The following KALRN variants were observed in gnomAD, a reference collection of about 807,000 sequenced individuals.
KALRN encodes kalirin.
Under a neutral mutation model 353.7 loss-of-function variants are expected in KALRN, and 70 were observed. That is an observed-to-expected ratio of 0.20 (90% confidence interval 0.16 to 0.24). The LOEUF (loss-of-function observed/expected upper bound fraction) is 0.24, where lower values mean the gene tolerates loss of function less well. Ranked by LOEUF, KALRN falls within the 10% of genes least tolerant of loss-of-function variation. The pLI, the probability that KALRN is intolerant of heterozygous loss-of-function variation, is 1.00. For synonymous variants in KALRN, 1,391 were observed against 1,434.8 expected (o/e 0.97, Z 0.69); for missense variants, 2,791 against 3,756.7 (o/e 0.74, Z 6.72).
rs898030291 is a variant in KALRN at position 124,264,514 on chromosome 3, C to T, written c.280C>T (p.Arg94Cys). 9 of 1,613,962 alleles carry T rather than the reference C, an allele frequency of 5.6e-6. No individual in the cohort carries two copies. The highest frequency in any genetic ancestry group is 1.3e-5 in the African/African-American group (1 of 75,028). ...ASVPSEDVCKRGFTVIIDMRG... is the reference protein window; with the variant it reads ...ASVPSEDVCKCGFTVIIDMRG... Reference sequence around the variant, plus strand: ...TCCCCACAGTGAGGACGTGTGCAAACGTGGCTTCACTGTCATCATCGACAT... The same window carrying T: ...TCCCCACAGTGAGGACGTGTGCAAATGTGGCTTCACTGTCATCATCGACAT... Residue 94 changes from arginine (R) to cysteine (C), a missense_variant, in exon 4 of 60, where the codon CGT becomes TGT. This residue lies in a region of KALRN where 110 missense variants were observed against 204.1 expected (regional missense o/e 0.54). Coordinates refer to ENST00000682506, the MANE Select transcript of KALRN (RefSeq NM_001388419.1).
At chr3:124,405,627 A>G (rs920907157) in intron 13 of KALRN, among the ~76,000 whole-genome samples, 2 of 150,156 alleles carry the variant, frequency 1.3e-5, no homozygotes, top group Admixed American at 1.3e-4. Context: ...GATTATATCA[A>G]GGACCTCAGG....
chr3:124,519,092 A>C, intron 33 of KALRN: 1 of 985,750 alleles, frequency 1.0e-6, no homozygotes, highest in African/African-American at 1.7e-5. Flanking sequence ...AGATTTTTTC[A>C]GGTTTTTCTA....
intron 34 of KALRN, among the ~76,000 whole-genome samples, chr3:124,614,302 T>G (rs1267479656): frequency 3.3e-5 from 5 of 151,778 alleles, no homozygotes; most frequent in African/African-American, 1.2e-4. Flanking sequence ...AGGGTCTCAC[T>G]CTGTTTCCTT....
intron 34 of KALRN, among the ~76,000 whole-genome samples, chr3:124,625,565 CA>C (rs201044567): frequency 0.012 from 1,665 of 141,090 alleles, 18 homozygotes; most frequent in South Asian, 0.048. Context: ...TATCTTCTTC[CA>C]AAAAAAAAAA....
intron 39 of KALRN, 91 bp downstream of exon 39, chr3:124,655,758 C>T: frequency 1.2e-6 from 1 of 860,004 alleles, no homozygotes; most frequent in Non-Finnish European, 2.0e-6. Flanking sequence ...CTGATGGTTA[C>T]ATGTACTTTA....
At chr3:124,455,084 T>A in intron 21 of KALRN, 93 bp from the exon 22 acceptor site, 1 of 1,390,464 alleles carries the variant, frequency 7.2e-7, no homozygotes, top group Non-Finnish European at 1.0e-6. Context: ...CTATGAGGTA[T>A]CTATGGCTGC....
At chr3:124,529,547 CT>C (rs926404282) in intron 33 of KALRN, among the ~76,000 whole-genome samples, 1 of 152,014 alleles carries the variant, frequency 6.6e-6, no homozygotes, top group African/African-American at 2.4e-5. Context: ...GTTGGAGCTT[CT>C]TTGCTAGGTT....
intron 1 of KALRN, among the ~76,000 whole-genome samples, chr3:124,140,842 G>C (rs1446657222): frequency 6.6e-6 from 1 of 152,138 alleles, no homozygotes; most frequent in Non-Finnish European, 1.5e-5. Flanking sequence ...CCTGGGTCAT[G>C]GGTGACTTCA....
At chr3:124,708,225 C>A (rs938585976) in intron 57 of KALRN, among the ~76,000 whole-genome samples, 40 of 152,272 alleles carry the variant, frequency 2.6e-4, no homozygotes, top group African/African-American at 9.4e-4. Context: ...GTTTGGGATA[C>A]AATCTAAATT....
At chr3:124,578,383 A>G (rs1326583562) in intron 34 of KALRN, among the ~76,000 whole-genome samples, 1 of 152,244 alleles carries the variant, frequency 6.6e-6, no homozygotes, top group Non-Finnish European at 1.5e-5. Context: ...CACAGGGAAG[A>G]TGAGAATTAA....
chr3:124,491,635 A>T, intron 31 of KALRN: 1 of 386,200 alleles, frequency 2.6e-6, no homozygotes, highest in Non-Finnish European at 4.6e-6. Flanking sequence ...AAGTGCATGC[A>T]CATGTGTGAC....
chr3:124,294,899 T>C (rs187578773), intron 5 of KALRN, among the ~76,000 whole-genome samples: 1 of 152,328 alleles, frequency 6.6e-6, no homozygotes, highest in Admixed American at 6.5e-5. Flanking sequence ...TGCAAACCAC[T>C]ATCTCTTCAA....
At chr3:124,439,210 A>T (rs557287734) in intron 18 of KALRN, among the ~76,000 whole-genome samples, 173 bp downstream of exon 18, 11 of 149,804 alleles carry the variant, frequency 7.3e-5, no homozygotes, top group African/African-American at 1.2e-4. Flanking sequence ...TCACACACAC[A>T]CACACACACA....
chr3:124,401,121 A>G (rs1384281686), intron 13 of KALRN, among the ~76,000 whole-genome samples: 3 of 152,244 alleles, frequency 2.0e-5, no homozygotes, highest in African/African-American at 7.2e-5. Context: ...TCCAAAGCAT[A>G]TGGAGAAAAT....
At chr3:124,289,161 A>G (rs2076207263) in intron 5 of KALRN, among the ~76,000 whole-genome samples, 1 of 152,146 alleles carries the variant, frequency 6.6e-6, no homozygotes, top group South Asian at 2.1e-4. Context: ...CTCCTTCTAA[A>G]GTCACTAATT....
intron 4 of KALRN, among the ~76,000 whole-genome samples, chr3:124,266,776 G>C (rs941980496): frequency 1.3e-5 from 2 of 152,142 alleles, no homozygotes; most frequent in African/African-American, 4.8e-5. Flanking sequence ...AATTTGGCTT[G>C]GTATAAAAAC....
chr3:124,666,851 C>T (rs1191280267), intron 46 of KALRN, among the ~76,000 whole-genome samples, 161 bp from the exon 47 acceptor site: 2 of 152,178 alleles, frequency 1.3e-5, no homozygotes, highest in East Asian at 3.9e-4. Flanking sequence ...TCCCTGGGAT[C>T]GTGTCACTCA....
chr3:124,426,768 G>T (rs2093040331), intron 15 of KALRN, among the ~76,000 whole-genome samples: 1 of 152,184 alleles, frequency 6.6e-6, no homozygotes, highest in Non-Finnish European at 1.5e-5. Context: ...CCGAAAGAGT[G>T]CTCTGATAGC....
At chr3:124,537,242 A>G (rs1219516807) in intron 33 of KALRN, among the ~76,000 whole-genome samples, 2 of 152,128 alleles carry the variant, frequency 1.3e-5, no homozygotes, top group African/African-American at 2.4e-5. Flanking sequence ...GGGTTTCACC[A>G]TGTTGGCCAG....
Sources: allele counts gnomAD v4.1 joint callset (sites outside exome capture counted in the v4.1 genomes callset), GRCh38; gene constraint gnomAD v4.1.1; regional missense constraint gnomAD v4.1.1; transcripts MANE v1.5; gene names NCBI Gene and HGNC (gene_info 2026-07-23, HGNC 2026-07-21).